MAVS: variants seen among roughly 807,000 people sequenced by gnomAD.
MAVS encodes the protein mitochondrial antiviral signaling protein.
MAVS carries 20 observed loss-of-function variants against 30.2 expected under a neutral mutation model. The ratio of observed to expected loss-of-function variants is 0.66; its 90% CI spans 0.47 to 0.96. The LOEUF (loss-of-function observed/expected upper bound fraction) is 0.96. MAVS is among the 40% of genes least tolerant of loss of function. The pLI, the probability that MAVS is intolerant of heterozygous loss-of-function variation, is 0.00. For synonymous variants in MAVS, 278 were observed against 293.9 expected, an observed-to-expected ratio of 0.95 and a Z score of 0.55; for missense variants, 624 against 701.1, an observed-to-expected ratio of 0.89 and a Z score of 1.24.
intron 3 of MAVS, among the ~76,000 whole-genome samples, chr20:3,860,968 C>T (rs2089861268): frequency 1.3e-5 from 2 of 151,538 alleles, no homozygotes; most frequent in South Asian, 4.2e-4. Flanking sequence ...AGCCATCGTG[C>T]CCAGCCCCTG....
intron 3 of MAVS, among the ~76,000 whole-genome samples, chr20:3,860,236 CT>C (rs35035902): frequency 2.7e-5 from 4 of 147,662 alleles, no homozygotes; most frequent in African/African-American, 1.0e-4. Context: ...CCCCCAATTC[CT>C]TTTTTTTTGA....
In MAVS at chr20:3,874,484, CTG is replaced by C. The variant is rs1316056163; in HGVS notation, c.*8340_*8341del. The C allele has an allele frequency of 1.4e-5, 5 of 353,580 alleles. No homozygotes were observed. Among genetic ancestry groups the C allele is most frequent in the Non-Finnish European group, 1.0e-5 (2 of 197,568 alleles). 21.9% of individuals were successfully genotyped at this position (353,580 alleles called of 1,614,324 possible). A position where few individuals can be genotyped will look rare whatever the true frequency, so the allele number is the denominator to read the frequency against. On this transcript the variant is annotated 3_prime_UTR_variant, in exon 7 of 7. Transcript: ENST00000428216. ...GGCAGGGGTCAAAGGCAGGCAGGGA[CTG>C]TGAAATGTTATAGTGGAAAAAAAGG...
chr20:3,857,861 C>A (rs148555164), intron 3 of MAVS, 52 bp downstream of exon 3: 2 of 1,583,892 alleles, frequency 1.3e-6, no homozygotes, highest in Non-Finnish European at 1.7e-6. Context: ...CCCTGGCCTC[C>A]GCTCTCCTTT....
chr20:3,857,982 C>G lies in MAVS; in HGVS notation c.292+173C>G, dbSNP rs754323269. 6.8e-6 allele frequency: 5 copies of G among 732,662 alleles called. No homozygotes were observed. In the South Asian group the frequency reaches 8.2e-5, roughly 12 times the overall value. 45.4% of individuals were successfully genotyped at this position (732,662 alleles called of 1,614,324 possible). The stretch of plus-strand genomic sequence containing the variant: ...GCTGAGCCACTTACCAGCTGTGTCC[C>G]TTTGGCCAAGTCCCTTAATTTCCCT... On this transcript the variant is annotated intron_variant, in intron 3 of 6. Coordinates refer to ENST00000428216, the MANE Select transcript of MAVS (RefSeq NM_020746.5).
In MAVS at chr20:3,874,019, A is replaced by G; in HGVS notation, c.*7872A>G. 1 of 398,148 alleles carries G rather than the reference A, an allele frequency of 2.5e-6. No individual in the cohort carries two copies. Among genetic ancestry groups the G allele is most frequent in the Non-Finnish European group, 4.4e-6 (1 of 225,992 alleles). The allele number at this position is 398,148 out of a possible 1,614,324, so 24.7% of individuals were successfully genotyped here. ...GAAACAACCCAAATGTCCATCCACC[A>G]ACCCAAATGTCCATCCACAGTTGAA... On this transcript the variant is annotated 3_prime_UTR_variant, in exon 7 of 7. Coordinates refer to ENST00000428216, the MANE Select transcript of MAVS (RefSeq NM_020746.5).
chr20:3,853,355 G>T (rs1425002094), intron 1 of MAVS, among the ~76,000 whole-genome samples: 1 of 151,186 alleles, frequency 6.6e-6, no homozygotes, highest in South Asian at 2.1e-4. Flanking sequence ...GCGTGGTGGC[G>T]GGCGCCTGTC....
chr20:3,866,627 G>C lies in MAVS; in HGVS notation c.*480G>C, dbSNP rs1207205827. 7 of 354,584 alleles carry C rather than the reference G, an allele frequency of 2.0e-5. No homozygotes were observed. The highest frequency in any genetic ancestry group is 3.3e-5 in the Non-Finnish European group (6 of 180,126). The allele number at this position is 354,584 out of a possible 1,614,324, so 22.0% of individuals were successfully genotyped here. ...CATCCTGGCAGCCCAGCCTGAGACCGTTGCATTGAGGCAGGCAGGAGCGGC... is the reference window on the plus strand; with the variant it reads ...CATCCTGGCAGCCCAGCCTGAGACCCTTGCATTGAGGCAGGCAGGAGCGGC... On this transcript the variant is annotated 3_prime_UTR_variant, in exon 7 of 7. Transcript: ENST00000428216.
Position 3,854,614 on chromosome 20 carries a change from T to G in MAVS, c.-11T>G. On this transcript the variant is annotated 5_prime_UTR_variant, in exon 2 of 7. Transcript: ENST00000428216. ...TGGGGCCAGAGCCCTCTCTCCAGAATCTGAGCAGCAATGCCGTTTGCTGAA... is the reference window on the plus strand; with the variant it reads ...TGGGGCCAGAGCCCTCTCTCCAGAAGCTGAGCAGCAATGCCGTTTGCTGAA... The G allele has an allele frequency of 6.2e-7, 1 of 1,603,738 alleles. No homozygotes were observed.
chr20:3,858,042 A>G (rs1371287447), intron 3 of MAVS: 5 of 572,098 alleles, frequency 8.7e-6, no homozygotes, highest in Non-Finnish European at 1.6e-5. Context: ...AATGAAGCTC[A>G]TGGCAGCATC....
At chr20:3,856,089 C>T (rs914928396) in intron 2 of MAVS, among the ~76,000 whole-genome samples, 1 of 147,376 alleles carries the variant, frequency 6.8e-6, no homozygotes, top group African/African-American at 2.5e-5. Flanking sequence ...GAGTCTCACT[C>T]TGTCGCCCAG....
Position 3,865,254 on chromosome 20 carries a change from C to G in MAVS, c.1159-429C>G, listed in dbSNP as rs2089897561. ...CAGCCACTCGGACCCAGCAGCCCCC[C>G]ATTGTTGCCTGCTCCAAGCCTCACA... is the stretch of plus-strand genomic sequence containing the variant. On this transcript the variant is annotated intron_variant, in intron 6 of 6. Transcript: ENST00000428216. This position sits in a 1 kb window ranked among gnomAD's most constrained non-coding sequence, Gnocchi z 4.7. 6.6e-6 allele frequency among the ~76,000 whole-genome samples: 1 copy of G among 152,168 alleles called. No individual in the cohort carries two copies. Among genetic ancestry groups the G allele is most frequent in the African/African-American group, 2.4e-5 (1 of 41,442 alleles).
At chr20:3,848,974 G>A (rs780534862) in intron 1 of MAVS, among the ~76,000 whole-genome samples, 3 of 152,088 alleles carry the variant, frequency 2.0e-5, no homozygotes, top group Non-Finnish European at 2.9e-5. Context: ...CTCCTGGGCT[G>A]TGGCCTCCTT....
intron 5 of MAVS, 33 bp downstream of exon 5, chr20:3,862,446 C>T: frequency 1.3e-6 from 2 of 1,594,440 alleles, no homozygotes; most frequent in Non-Finnish European, 1.7e-6. Context: ...TAGGGTCCTT[C>T]TGATCTCTCA....
Position 3,865,648 on chromosome 20 carries a change from C to T in MAVS, c.1159-35C>T. 6.4e-7 allele frequency: 1 copy of T among 1,553,918 alleles called. No homozygotes were observed. On this transcript the variant is annotated intron_variant, in intron 6 of 6. Transcript: ENST00000428216. The surrounding 1 kb of genome is among the most constrained non-coding windows in gnomAD (Gnocchi z 4.7). ...CTACCAGGTTCGTCTCCCTGCCAACCCCAGTCCCTTCCAGTGCTCTCCTTT... is the reference window on the plus strand; with the variant it reads ...CTACCAGGTTCGTCTCCCTGCCAACTCCAGTCCCTTCCAGTGCTCTCCTTT...
At chr20:3,854,162 C>A (rs892577599) in intron 1 of MAVS, among the ~76,000 whole-genome samples, 8 of 151,860 alleles carry the variant, frequency 5.3e-5, no homozygotes, top group African/African-American at 1.9e-4. Context: ...GTGGCTCACA[C>A]CTGTAATCCC....
At chr20:3,862,225 T>C in intron 4 of MAVS, 29 bp from the exon 5 acceptor site, 1 of 1,606,594 alleles carries the variant, frequency 6.2e-7, no homozygotes, top group Non-Finnish European at 8.5e-7. Flanking sequence ...GAGAGGCAAC[T>C]GCCTTATTCA....
rs941881024 is a variant in MAVS, at chr20:3,865,264, TG to T, written c.1159-418del. On this transcript the variant is annotated intron_variant, in intron 6 of 6. Coordinates refer to ENST00000428216, the MANE Select transcript of MAVS (RefSeq NM_020746.5). The surrounding 1 kb of genome is among the most constrained non-coding windows in gnomAD (Gnocchi z 4.7). ...GACCCAGCAGCCCCCCATTGTTGCCTGCTCCAAGCCTCACATCTAACCCTAG... is the reference window on the plus strand; with the variant it reads ...GACCCAGCAGCCCCCCATTGTTGCCTCTCCAAGCCTCACATCTAACCCTAG... 2.8e-4 allele frequency among the ~76,000 whole-genome samples: 43 copies of T among 152,156 alleles called. No homozygotes were observed. Among genetic ancestry groups the T allele is most frequent in the African/African-American group, 9.7e-4 (40 of 41,430 alleles).
In MAVS at chr20:3,857,550, C is replaced by T. The variant is rs943625140; in HGVS notation, c.118-85C>T. ...TTGCCCTTGTGGCTTTCTTGGCACC[C>T]CTCCCCCCGCTGTGGCTTCATTCTG... On this transcript the variant is annotated intron_variant, in intron 2 of 6. Coordinates refer to ENST00000428216, the MANE Select transcript of MAVS (RefSeq NM_020746.5). 4.8e-6 allele frequency: 7 copies of T among 1,463,990 alleles called. No homozygotes were observed. In the African/African-American group the frequency reaches 1.1e-4, roughly 24 times the overall value. 90.7% of individuals were successfully genotyped at this position (1,463,990 alleles called of 1,614,324 possible).
At position 3,866,900 on chromosome 20, in the gene MAVS, C is replaced by A; in HGVS notation, c.*753C>A. The A allele has an allele frequency of 2.2e-6, 1 of 457,206 alleles. No individual in the cohort carries two copies. The highest frequency in any genetic ancestry group is 4.4e-6 in the Non-Finnish European group (1 of 226,998). 28.3% of individuals were successfully genotyped at this position (457,206 alleles called of 1,614,324 possible). ...AGACACCTGGTGGGCAGAGCTCAGG[C>A]AGAGGTTTGGATTTCAGCTCCCTCA... is the stretch of plus-strand genomic sequence containing the variant. On this transcript the variant is annotated 3_prime_UTR_variant, in exon 7 of 7. Coordinates refer to ENST00000428216, the MANE Select transcript of MAVS (RefSeq NM_020746.5).
Sources: allele counts gnomAD v4.1 joint callset (sites outside exome capture counted in the v4.1 genomes callset), GRCh38; gene constraint gnomAD v4.1.1; non-coding constraint Gnocchi (gnomAD v3.1); transcripts MANE v1.5; gene names NCBI Gene and HGNC (gene_info 2026-07-23, HGNC 2026-07-21).